The following NOS1 variants were observed in gnomAD, a reference collection of about 807,000 sequenced individuals.
NOS1 encodes the protein NOS type I.
NOS1 carries 51 observed loss-of-function variants against 164.5 expected under a neutral mutation model. That is an observed-to-expected ratio of 0.31 (90% confidence interval 0.25 to 0.39). The LOEUF is 0.39. Among genes scored for constraint, NOS1 ranks in the 10% least tolerant of loss-of-function variants. NOS1 has a pLI of 1.00. For missense variants in NOS1, 1,362 were observed against 1,885.6 expected (o/e 0.72, Z 5.14); for synonymous variants, 719 against 745.8 (o/e 0.96, Z 0.59).
chr12:117,296,333 G>A (rs1031611851), intron 3 of NOS1, among the ~76,000 whole-genome samples: 1 of 152,186 alleles, frequency 6.6e-6, no homozygotes, highest in Non-Finnish European at 1.5e-5. Flanking sequence ...GAGTGTGTCC[G>A]TGAGGGTGTT....
chr12:117,240,163 G>C (rs896659422), intron 20 of NOS1, among the ~76,000 whole-genome samples: 2 of 152,082 alleles, frequency 1.3e-5, no homozygotes, highest in Admixed American at 6.6e-5. Context: ...CCTTCCCATA[G>C]GACCAAAATA....
At chr12:117,228,131 GAAAAGAAAAAGGGAGCAATAATAGTT>G (rs1170802066) in intron 22 of NOS1, among the ~76,000 whole-genome samples, 1 of 151,892 alleles carries the variant, frequency 6.6e-6, no homozygotes, top group Non-Finnish European at 1.5e-5. Context: ...AAGAAAGAAA[GAAAAGAAAAAGGGAGCAATAATAGTT>G]AACACTTGAA....
intron 28 of NOS1, among the ~76,000 whole-genome samples, chr12:117,216,276 A>G (rs1592918449): frequency 6.8e-6 from 1 of 146,172 alleles, no homozygotes; most frequent in Non-Finnish European, 1.5e-5. Flanking sequence ...TCCACCTCCC[A>G]GGTTCATGCC....
At chr12:117,215,583 C>T (rs950928043) in intron 28 of NOS1, among the ~76,000 whole-genome samples, 2 of 152,096 alleles carry the variant, frequency 1.3e-5, no homozygotes, top group Non-Finnish European at 2.9e-5. Flanking sequence ...CAGGTGCCTG[C>T]CACCACGCCC....
rs1869525633 is a variant in NOS1 at position 117,234,409 on chromosome 12, T to A, written c.3235+156A>T. ...TGGTTGGGCCAAGGTTGATCAGTCA[T>A]GAGAAAGGGGGATATCTTTAGTCTC... On this transcript the variant is annotated intron_variant, in intron 21 of 28. Transcript: ENST00000317775. The surrounding 1 kb of genome is among the most constrained non-coding windows in gnomAD (Gnocchi z 4.3). Among the ~76,000 whole-genome samples, 2 of 152,174 alleles carry A rather than the reference T, an allele frequency of 1.3e-5. No homozygotes were observed. Among genetic ancestry groups the A allele is most frequent in the Admixed American group, 1.3e-4 (2 of 15,282 alleles).
intron 2 of NOS1, among the ~76,000 whole-genome samples, chr12:117,319,064 TTTA>T (rs530484699): frequency 6.6e-6 from 1 of 152,206 alleles, no homozygotes; most frequent in East Asian, 1.9e-4. Context: ...AAAAGTATGC[TTTA>T]TTATTATTAT....
intron 16 of NOS1, among the ~76,000 whole-genome samples, chr12:117,257,487 G>A (rs923251800): frequency 6.6e-6 from 1 of 151,904 alleles, no homozygotes; most frequent in African/African-American, 2.4e-5. Context: ...TTGACTACAG[G>A]TATGTTTTGT....
intron 9 of NOS1, among the ~76,000 whole-genome samples, chr12:117,275,916 T>C (rs1873140822): frequency 6.6e-6 from 1 of 152,196 alleles, no homozygotes; most frequent in Non-Finnish European, 1.5e-5. Flanking sequence ...TCACGGTGGA[T>C]GTCCTTTACT....
At chr12:117,302,245 C>T (rs1263339578) in intron 3 of NOS1, among the ~76,000 whole-genome samples, 1 of 152,178 alleles carries the variant, frequency 6.6e-6, no homozygotes, top group Non-Finnish European at 1.5e-5. Flanking sequence ...CTCCCCACAA[C>T]TTGATGAGCC....
intron 3 of NOS1, among the ~76,000 whole-genome samples, chr12:117,290,751 T>C (rs1872997905): frequency 1.3e-5 from 2 of 152,068 alleles, no homozygotes; most frequent in Admixed American, 6.5e-5. Flanking sequence ...ATTTGTTGAA[T>C]GAATACATGA....
At chr12:117,357,315 T>G (rs1207246505) in intron 1 of NOS1, among the ~76,000 whole-genome samples, 1 of 152,094 alleles carries the variant, frequency 6.6e-6, no homozygotes, top group Non-Finnish European at 1.5e-5. Flanking sequence ...CAAGATTAGA[T>G]GGGAACTCAG....
chr12:117,261,676 G>C (rs1871919017), intron 13 of NOS1, among the ~76,000 whole-genome samples: 1 of 152,176 alleles, frequency 6.6e-6, no homozygotes, highest in African/African-American at 2.4e-5. Context: ...TTATGGGATG[G>C]GCATAGTGGC....
At chr12:117,343,886 G>A (rs528198065) in intron 1 of NOS1, among the ~76,000 whole-genome samples, 57 of 152,182 alleles carry the variant, frequency 3.7e-4, no homozygotes, top group Non-Finnish European at 6.8e-4. Flanking sequence ...TCACTCGAAA[G>A]TTGCCTTTAC....
chr12:117,279,075 T>G (rs1006966646), intron 8 of NOS1, among the ~76,000 whole-genome samples: 1 of 151,996 alleles, frequency 6.6e-6, no homozygotes, highest in African/African-American at 2.4e-5. Flanking sequence ...TATTACTATT[T>G]CAACATTAAA....
chr12:117,351,093 G>A (rs1269509779), intron 1 of NOS1, among the ~76,000 whole-genome samples: 2 of 151,400 alleles, frequency 1.3e-5, no homozygotes, highest in Non-Finnish European at 2.9e-5. Context: ...CAGCCTGGGC[G>A]ACAGAGCAAG....
chr12:117,259,194 G>A, intron 14 of NOS1, 64 bp from the exon 15 acceptor site: 1 of 1,124,814 alleles, frequency 8.9e-7, no homozygotes, highest in Non-Finnish European at 1.3e-6. Flanking sequence ...GAGAAAAGAG[G>A]TGGGAGAGAC....
At chr12:117,238,033 A>G (rs1048004609) in intron 20 of NOS1, among the ~76,000 whole-genome samples, 2 of 152,182 alleles carry the variant, frequency 1.3e-5, no homozygotes, top group African/African-American at 4.8e-5. Context: ...GAGCACGTGC[A>G]AAGGCCCAGA....
chr12:117,330,587 A>T lies in NOS1; in HGVS notation c.483T>A (p.His161Gln), dbSNP rs1161472188. 6.2e-7 allele frequency: 1 copy of T among 1,612,876 alleles called. No homozygotes were observed. Among genetic ancestry groups the T allele is most frequent in the South Asian group, 1.1e-5 (1 of 91,016 alleles). ...GASGPGNGPQ[H>Q]AYDDGQEAGS... The stretch of plus-strand genomic sequence containing the variant: ...CAGCCTCCTGCCCATCATCGTAGGC[A>T]TGCTGAGGCCCATTCCCGGGACCCG... Residue 161 changes from histidine to glutamine, a missense_variant, in exon 2 of 29, where the codon CAT becomes CAA. Transcript: ENST00000317775. The surrounding 1 kb of genome is among the most constrained non-coding windows in gnomAD (Gnocchi z 4.6).
In NOS1 at chr12:117,243,192, A is replaced by G. The variant is rs1870327793; in HGVS notation, c.2962+105T>C. 2 of 1,404,146 alleles carry G rather than the reference A, an allele frequency of 1.4e-6. No individual in the cohort carries two copies. The highest frequency in any genetic ancestry group is 2.7e-5 in the South Asian group (2 of 75,240). 87.0% of individuals were successfully genotyped at this position (1,404,146 alleles called of 1,614,324 possible). A position where few individuals can be genotyped will look rare whatever the true frequency, so the allele number is the denominator to read the frequency against. Reference sequence around the variant, plus strand: ...TTTGGTAGGACTGCACTAAAGGGAGATCAAAGCAATGAAGCCCATCTTCTC... The same window carrying G: ...TTTGGTAGGACTGCACTAAAGGGAGGTCAAAGCAATGAAGCCCATCTTCTC... On this transcript the variant is annotated intron_variant, in intron 19 of 28. Transcript: ENST00000317775. This position sits in a 1 kb window ranked among gnomAD's most constrained non-coding sequence, Gnocchi z 4.3.
Sources: allele counts gnomAD v4.1 joint callset (sites outside exome capture counted in the v4.1 genomes callset), GRCh38; gene constraint gnomAD v4.1.1; non-coding constraint Gnocchi (gnomAD v3.1); transcripts MANE v1.5; gene names NCBI Gene and HGNC (gene_info 2026-07-23, HGNC 2026-07-21).